BBOX1: variants seen among roughly 807,000 people sequenced by gnomAD.
BBOX1 encodes the protein gamma-butyrobetaine dioxygenase.
In BBOX1, 35 loss-of-function variants were observed where a neutral mutation model predicts 41.6. The observed-to-expected ratio is 0.84, with a 90% CI of 0.64 to 1.11. The LOEUF (loss-of-function observed/expected upper bound fraction) is 1.11. Among genes scored for constraint, BBOX1 ranks in the 50% most tolerant of loss-of-function variants. The pLI, the probability that BBOX1 is intolerant of heterozygous loss-of-function variation, is 0.00. For missense variants in BBOX1, 458 were observed against 460.6 expected (o/e 0.99, Z 0.05); for synonymous variants, 163 against 154.7 (o/e 1.05, Z -0.40).
At chr11:27,097,283 TATTGAATAAATGA>T (rs1386658562) in intron 5 of BBOX1, among the ~76,000 whole-genome samples, 2 of 152,054 alleles carry the variant, frequency 1.3e-5, no homozygotes, top group Non-Finnish European at 2.9e-5. Context: ...AAGGTGATAT[TATTGAATAAATGA>T]ATTTTATGAC....
At chr11:27,115,319 A>T in intron 5 of BBOX1, 133 bp from the exon 6 acceptor site, 1 of 650,760 alleles carries the variant, frequency 1.5e-6, no homozygotes, top group Non-Finnish European at 2.5e-6. Flanking sequence ...TCCTTGTCTC[A>T]CTCATAGTCA....
intron 4 of BBOX1, among the ~76,000 whole-genome samples, chr11:27,090,510 G>C (rs1213758916): frequency 1.3e-5 from 2 of 151,896 alleles, no homozygotes; most frequent in Non-Finnish European, 2.9e-5. Flanking sequence ...GAGGGAATAG[G>C]ACAAAGGGCA....
At chr11:27,075,715 T>G (rs1249383168) in intron 4 of BBOX1, among the ~76,000 whole-genome samples, 1 of 152,180 alleles carries the variant, frequency 6.6e-6, no homozygotes, top group Non-Finnish European at 1.5e-5. Context: ...AGAGACGAAT[T>G]GTGACTCTAC....
intron 4 of BBOX1, among the ~76,000 whole-genome samples, chr11:27,064,445 T>C (rs989558623): frequency 1.3e-5 from 2 of 152,214 alleles, no homozygotes; most frequent in Non-Finnish European, 2.9e-5. Flanking sequence ...TTAAGAAGCA[T>C]GTCTTTGTTC....
At position 27,057,292 on chromosome 11, in the gene BBOX1, T is replaced by C; in HGVS notation, c.311T>C (p.Leu104Pro). The change falls in exon 4 of 9, where the codon CTC (leucine) becomes CCC (proline). Residue 104 changes from leucine to proline, a missense_variant. Transcript: ENST00000263182. ...RCFSKQARAK[L>P]QRELFFPECQ... ...TTTTCCAAGCAGGCCAGAGCAAAGC[T>C]CCAAAGAGAATTGTTTTTTCCAGGT... 1 of 1,611,506 alleles carries C rather than the reference T, an allele frequency of 6.2e-7. No individual in the cohort carries two copies. The highest frequency in any genetic ancestry group is 8.5e-7 in the Non-Finnish European group (1 of 1,179,168).
chr11:27,054,205 C>CTGTGTGTGTGTGTG (rs57324926), intron 2 of BBOX1, among the ~76,000 whole-genome samples: 44 of 139,486 alleles, frequency 3.2e-4, no homozygotes, highest in African/African-American at 9.7e-4. Context: ...GTGTGTGTGT[C>CTGTGTGTGTGTGTG]TGTGTGTGTG....
chr11:27,122,395 A>C (rs574374990), intron 7 of BBOX1, among the ~76,000 whole-genome samples: 16 of 152,276 alleles, frequency 1.1e-4, no homozygotes, highest in African/African-American at 3.8e-4. Flanking sequence ...GCCACACATG[A>C]TTGAAGTAGG....
chr11:27,116,720 G>T (rs1564989139), intron 6 of BBOX1, among the ~76,000 whole-genome samples: 1 of 151,862 alleles, frequency 6.6e-6, no homozygotes, highest in African/African-American at 2.4e-5. Context: ...GCAACTAGAA[G>T]AATTTTCAGA....
chr11:27,066,097 T>C (rs923268944), intron 4 of BBOX1, among the ~76,000 whole-genome samples: 1 of 152,218 alleles, frequency 6.6e-6, no homozygotes, highest in Non-Finnish European at 1.5e-5. Context: ...TTTGTAGTTA[T>C]ATTAAAGTAA....
At chr11:27,072,470 C>A (rs932432952) in intron 4 of BBOX1, among the ~76,000 whole-genome samples, 1 of 152,124 alleles carries the variant, frequency 6.6e-6, no homozygotes, top group Non-Finnish European at 1.5e-5. Context: ...CAGGAAGAAT[C>A]AATATCGTGA....
chr11:27,110,802 G>A (rs928740371), intron 5 of BBOX1, among the ~76,000 whole-genome samples: 1 of 151,842 alleles, frequency 6.6e-6, no homozygotes, highest in Non-Finnish European at 1.5e-5. Context: ...ATCAATGACT[G>A]AAATAGGTGT....
intron 5 of BBOX1, among the ~76,000 whole-genome samples, chr11:27,102,377 T>A (rs1180051053): frequency 6.6e-6 from 1 of 152,128 alleles, no homozygotes; most frequent in Admixed American, 6.5e-5. Flanking sequence ...TAATGAACTA[T>A]CATAAGGCAA....
intron 6 of BBOX1, among the ~76,000 whole-genome samples, chr11:27,115,883 A>G (rs1297669143): frequency 6.6e-6 from 1 of 151,968 alleles, no homozygotes; most frequent in Non-Finnish European, 1.5e-5. Flanking sequence ...TTTTGCACAT[A>G]TATTTCTAAG....
chr11:27,070,781 A>T (rs906528156), intron 4 of BBOX1, among the ~76,000 whole-genome samples: 1 of 149,662 alleles, frequency 6.7e-6, no homozygotes, highest in African/African-American at 2.5e-5. Flanking sequence ...TTTACATTCA[A>T]TGTTCATGTC....
chr11:27,109,574 G>GA (rs1331272807), intron 5 of BBOX1, among the ~76,000 whole-genome samples: 4 of 151,932 alleles, frequency 2.6e-5, no homozygotes, highest in Non-Finnish European at 5.9e-5. Flanking sequence ...AAAGAAACCA[G>GA]AAAAAAAGGC....
At chr11:27,100,593 A>G (rs1410122734) in intron 5 of BBOX1, among the ~76,000 whole-genome samples, 1 of 152,136 alleles carries the variant, frequency 6.6e-6, no homozygotes, top group East Asian at 1.9e-4. Context: ...TGAGCAGAGT[A>G]ACAAGCTATG....
intron 4 of BBOX1, among the ~76,000 whole-genome samples, chr11:27,065,986 A>C (rs1857268236): frequency 6.6e-6 from 1 of 152,210 alleles, no homozygotes; most frequent in Non-Finnish European, 1.5e-5. Context: ...TTCCAGAAAT[A>C]ATTATTACAG....
intron 2 of BBOX1, among the ~76,000 whole-genome samples, chr11:27,046,918 A>ATGTTT (rs10684089): frequency 0.31 from 46,665 of 148,372 alleles, 7,425 homozygotes; most frequent in East Asian, 0.46. Flanking sequence ...ATGATCTGCA[A>ATGTTT]TTTTTTTTTT....
At chr11:27,046,709 A>T (rs1851497752) in intron 2 of BBOX1, among the ~76,000 whole-genome samples, 1 of 152,134 alleles carries the variant, frequency 6.6e-6, no homozygotes, top group South Asian at 2.1e-4. Context: ...TATAGCTAGG[A>T]GCTATATATA....
Sources: allele counts gnomAD v4.1 joint callset (sites outside exome capture counted in the v4.1 genomes callset), GRCh38; gene constraint gnomAD v4.1.1; transcripts MANE v1.5; gene names NCBI Gene and HGNC (gene_info 2026-07-23, HGNC 2026-07-21).